The following CDC123 variants were observed in gnomAD, a reference collection of about 807,000 sequenced individuals.
The protein encoded by CDC123 is cell division cycle 123.
CDC123 carries 37 observed loss-of-function variants against 54.4 expected under a neutral mutation model. The observed-to-expected ratio is 0.68, with a 90% CI of 0.52 to 0.89. The LOEUF (loss-of-function observed/expected upper bound fraction) is 0.89, where lower values mean the gene tolerates loss of function less well. Ranked by LOEUF, CDC123 falls within the 40% of genes least tolerant of loss-of-function variation. The pLI is 0.00. For missense variants in CDC123, 361 were observed against 412.1 expected (o/e 0.88, Z 1.07); for synonymous variants, 144 against 136.8 (o/e 1.05, Z -0.37).
intron 2 of CDC123, among the ~76,000 whole-genome samples, chr10:12,199,237 A>G (rs1004239787): frequency 2.0e-5 from 3 of 152,220 alleles, no homozygotes; most frequent in Admixed American, 1.3e-4. Context: ...TTTATAGAAT[A>G]AAGGGAAGAA....
intron 10 of CDC123, among the ~76,000 whole-genome samples, chr10:12,243,628 C>CA (rs146552456): frequency 0.43 from 65,250 of 151,178 alleles, 15,505 homozygotes; most frequent in Middle Eastern, 0.56. Flanking sequence ...ACTAAAAATA[C>CA]AAAAAATTAG....
At chr10:12,212,234 G>A (rs1006175265) in intron 4 of CDC123, among the ~76,000 whole-genome samples, 1 of 152,180 alleles carries the variant, frequency 6.6e-6, no homozygotes, top group African/African-American at 2.4e-5. Context: ...CAGTGAGCAC[G>A]CCTGATGCCT....
intron 6 of CDC123, among the ~76,000 whole-genome samples, chr10:12,225,124 G>C (rs1200945076): frequency 6.6e-6 from 1 of 152,210 alleles, no homozygotes; most frequent in Non-Finnish European, 1.5e-5. Context: ...GCTGGGTGCG[G>C]TGGCTCACAT....
intron 11 of CDC123, among the ~76,000 whole-genome samples, chr10:12,248,050 C>T (rs1836182434): frequency 1.3e-5 from 2 of 151,746 alleles, no homozygotes; most frequent in Admixed American, 6.6e-5. Flanking sequence ...TATAAAATCA[C>T]TTATGATTTG....
chr10:12,226,115 A>T (rs1027747888), intron 6 of CDC123, among the ~76,000 whole-genome samples: 4 of 152,066 alleles, frequency 2.6e-5, no homozygotes, highest in Admixed American at 6.5e-5. Context: ...AGGCAGAAGA[A>T]TTTTTCTTAG....
rs761934252 is a variant in CDC123 at position 12,215,802 on chromosome 10, T to C, written c.300T>C (p.Ser100=). The C allele has an allele frequency of 1.9e-6, 3 of 1,612,390 alleles. No homozygotes were observed. The highest frequency in any genetic ancestry group is 2.5e-6 in the Non-Finnish European group (3 of 1,179,450). The part of the protein sequence containing the change: ...VQEAINSLGG[S]VFPKLNWSAP... ...AAGCTATCAATTCCCTCGGGGGCAGTGTCTTTCCTAAGCTTAATTGGAGTG... is the reference window on the plus strand; with the variant it reads ...AAGCTATCAATTCCCTCGGGGGCAGCGTCTTTCCTAAGCTTAATTGGAGTG... Residue 100 remains serine (S), a synonymous_variant, in exon 5 of 13, where the codon AGT becomes AGC. Transcript: ENST00000281141.
At chr10:12,207,376 C>T (rs1253763126) in intron 2 of CDC123, among the ~76,000 whole-genome samples, 2 of 152,076 alleles carry the variant, frequency 1.3e-5, no homozygotes, top group Non-Finnish European at 1.5e-5. Flanking sequence ...CTTTTATATT[C>T]GAGGATATTA....
At chr10:12,242,565 G>A (rs1177336607) in intron 10 of CDC123, among the ~76,000 whole-genome samples, 1 of 152,202 alleles carries the variant, frequency 6.6e-6, no homozygotes, top group African/African-American at 2.4e-5. Context: ...TACAAGGACA[G>A]TTAGTCCGAC....
At chr10:12,235,493 C>G (rs890278011) in intron 8 of CDC123, among the ~76,000 whole-genome samples, 1 of 152,120 alleles carries the variant, frequency 6.6e-6, no homozygotes, top group South Asian at 2.1e-4. Context: ...GTTTTGGAAC[C>G]TTTATTTCTA....
chr10:12,198,850 C>G (rs1835399678), intron 2 of CDC123, 74 bp downstream of exon 2: 3 of 808,186 alleles, frequency 3.7e-6, no homozygotes, highest in East Asian at 4.9e-5. Flanking sequence ...TTAGCTTAGG[C>G]ACCATTCTTT....
intron 6 of CDC123, among the ~76,000 whole-genome samples, chr10:12,222,667 A>G (rs1177574296): frequency 1.3e-5 from 2 of 152,228 alleles, no homozygotes; most frequent in Non-Finnish European, 2.9e-5. Context: ...GAAAAAATAA[A>G]TTTGTTAATT....
At chr10:12,248,511 C>CAA (rs529994117) in intron 11 of CDC123, among the ~76,000 whole-genome samples, 2,822 of 116,116 alleles carry the variant, frequency 0.024, 80 homozygotes, top group African/African-American at 0.084. Context: ...GACTCCGTCT[C>CAA]AAAAAAAAAA....
chr10:12,246,470 A>G (rs1027188336), intron 11 of CDC123, 193 bp downstream of exon 11: 4 of 518,278 alleles, frequency 7.7e-6, no homozygotes, highest in Non-Finnish European at 1.4e-5. Context: ...TTATATACAG[A>G]AGTCAGGATC....
intron 10 of CDC123, among the ~76,000 whole-genome samples, chr10:12,244,246 GAC>G (rs1427284157): frequency 6.6e-6 from 1 of 152,166 alleles, no homozygotes; most frequent in Admixed American, 6.6e-5. Context: ...GAATTTCACA[GAC>G]ACACACCCGC....
intron 2 of CDC123, among the ~76,000 whole-genome samples, chr10:12,200,184 T>C (rs1207366200): frequency 7.3e-6 from 1 of 136,316 alleles, no homozygotes; most frequent in Non-Finnish European, 1.5e-5. Flanking sequence ...TGGAGTGCAG[T>C]GGCTCAATCT....
In CDC123 at chr10:12,230,973, C is replaced by G. The variant is rs1019484819; in HGVS notation, c.466C>G (p.Pro156Ala). 3 of 1,611,580 alleles carry G rather than the reference C, an allele frequency of 1.9e-6. No homozygotes were observed. The highest frequency in any genetic ancestry group is 2.5e-6 in the Non-Finnish European group (3 of 1,179,296). Residue 156 changes from proline (P) to alanine (A), a missense_variant, in exon 7 of 13, where the codon CCA becomes GCA. Coordinates refer to ENST00000281141, the MANE Select transcript of CDC123 (RefSeq NM_006023.3). ...QPFIHCTDDS[P>A]DPCIEYELVL... Reference sequence around the variant, plus strand: ...GTTTATTCATTGTACTGATGATTCTCCAGATCCATGTATAGAATATGAGGT... The same window carrying G: ...GTTTATTCATTGTACTGATGATTCTGCAGATCCATGTATAGAATATGAGGT...
intron 6 of CDC123, among the ~76,000 whole-genome samples, chr10:12,225,613 A>T (rs1835800085): frequency 6.6e-6 from 1 of 152,088 alleles, no homozygotes; most frequent in Admixed American, 6.6e-5. Flanking sequence ...CGGGCCTGAC[A>T]AGTTGTCTAC....
At chr10:12,240,602 T>G (rs1167265497) in intron 10 of CDC123, among the ~76,000 whole-genome samples, 1 of 152,218 alleles carries the variant, frequency 6.6e-6, no homozygotes, top group Non-Finnish European at 1.5e-5. Flanking sequence ...AGGCCATTGT[T>G]GTGGCTCACG....
At chr10:12,200,929 G>A (rs913438464) in intron 2 of CDC123, among the ~76,000 whole-genome samples, 25 of 112,548 alleles carry the variant, frequency 2.2e-4, no homozygotes, top group African/African-American at 6.6e-4. Flanking sequence ...GCTAAACTTC[G>A]TCTCAAAAAA....
Sources: gnomAD v4.1 joint callset for allele counts (sites outside exome capture counted in the v4.1 genomes callset) on GRCh38, gnomAD v4.1.1 for gene constraint, MANE v1.5 for transcripts, NCBI Gene and HGNC (gene_info 2026-07-23, HGNC 2026-07-21) for gene names.